The following ABI2 variants were observed in gnomAD, a reference collection of about 807,000 sequenced individuals.
ABI2 encodes the protein abl interactor 2.
Under a neutral mutation model 59.2 loss-of-function variants are expected in ABI2, and 25 were observed. That is an observed-to-expected ratio of 0.42 (90% CI 0.31 to 0.59). The LOEUF (loss-of-function observed/expected upper bound fraction) is 0.59, where lower values mean the gene tolerates loss of function less well. Among genes scored for constraint, ABI2 ranks in the 20% least tolerant of loss-of-function variants. ABI2 has a pLI of 0.14. For synonymous variants in ABI2, 213 were observed against 235.5 expected (o/e 0.90, Z 0.87); for missense variants, 545 against 681.8 (o/e 0.80, Z 2.23).
intron 2 of ABI2, among the ~76,000 whole-genome samples, chr2:203,372,489 A>T (rs369147794): frequency 2.8e-5 from 4 of 140,898 alleles, no homozygotes; most frequent in African/African-American, 8.0e-5. Flanking sequence ...GGCTCCTCAC[A>T]TCCCAGTAGG....
At chr2:203,374,498 CAAAAAAA>C (rs777951265) in intron 2 of ABI2, among the ~76,000 whole-genome samples, 7 of 53,840 alleles carry the variant, frequency 1.3e-4, no homozygotes, top group South Asian at 6.1e-4. Context: ...GACTCTGTCT[CAAAAAAA>C]AAAAAAAAAA....
intron 10 of ABI2, among the ~76,000 whole-genome samples, chr2:203,412,291 C>T (rs2097709867): frequency 6.6e-6 from 1 of 152,110 alleles, no homozygotes; most frequent in Admixed American, 6.5e-5. Flanking sequence ...CTAGCTGTTT[C>T]CCCAGCACTT....
chr2:203,401,863 CTG>C (rs2097235767), intron 8 of ABI2, among the ~76,000 whole-genome samples: 2 of 151,982 alleles, frequency 1.3e-5, no homozygotes, highest in Non-Finnish European at 2.9e-5. Flanking sequence ...TGGAATAAGA[CTG>C]TGTGTCAAAC....
intron 2 of ABI2, among the ~76,000 whole-genome samples, chr2:203,375,120 GC>G (rs1577837096): frequency 6.6e-6 from 1 of 152,166 alleles, no homozygotes; most frequent in East Asian, 1.9e-4. Context: ...CATGGGGAAA[GC>G]CTGCAGCATG....
In ABI2 at chr2:203,328,619, C is replaced by G. The variant is rs757893056; in HGVS notation, c.105C>G (p.Asn35Lys). ...AACGGGTGGCCGATTACTGCGAGAA[C>G]AACTACATACAGGTGCGAAGCATCC... ...NLERVADYCE[N>K]NYIQSADKQR... The change falls in exon 1 of 12, where the codon AAC becomes AAG. Residue 35 changes from asparagine to lysine, a missense_variant. Physicochemically the swap from Asn to Lys is moderately conservative, Grantham distance 94 (BLOSUM62 0). Around this residue, in one of 4 missense-constraint regions of ABI2, gnomAD observed 55 missense variants for 59.7 expected, o/e 0.92. Transcript: ENST00000261018. The G allele has an allele frequency of 6.3e-7, 1 of 1,596,394 alleles. No homozygotes were observed. Among genetic ancestry groups the G allele is most frequent in the East Asian group, 2.4e-5 (1 of 42,182 alleles).
chr2:203,383,762 C>T (rs2096280681), intron 4 of ABI2, among the ~76,000 whole-genome samples: 1 of 152,174 alleles, frequency 6.6e-6, no homozygotes, highest in African/African-American at 2.4e-5. Context: ...TCCTGATGAG[C>T]AATAGCATTA....
At chr2:203,344,881 T>C (rs1420592186) in intron 1 of ABI2, among the ~76,000 whole-genome samples, 1 of 152,148 alleles carries the variant, frequency 6.6e-6, no homozygotes, top group African/African-American at 2.4e-5. Flanking sequence ...GGTTTGTAAA[T>C]GCACCAATAA....
intron 5 of ABI2, 69 bp from the exon 6 acceptor site, chr2:203,394,630 TG>T: frequency 6.8e-7 from 1 of 1,465,748 alleles, no homozygotes; most frequent in Non-Finnish European, 9.4e-7. Context: ...TCTCAACTGC[TG>T]GCAACTCTTT....
intron 2 of ABI2, among the ~76,000 whole-genome samples, chr2:203,377,282 C>G (rs62183952): frequency 0.014 from 2,123 of 152,276 alleles, 15 homozygotes; most frequent in Non-Finnish European, 0.021. Flanking sequence ...CCATTGCACT[C>G]CAGCCTCTGT....
intron 1 of ABI2, among the ~76,000 whole-genome samples, chr2:203,329,470 A>G (rs76673409): frequency 0.038 from 5,687 of 151,612 alleles, 348 homozygotes; most frequent in African/African-American, 0.13. Context: ...GGATGAAGCA[A>G]AATATTCTGT....
chr2:203,350,862 T>TTGTGTGTGTGTGTG (rs200198424), intron 1 of ABI2, among the ~76,000 whole-genome samples: 1 of 137,810 alleles, frequency 7.3e-6, no homozygotes, highest in African/African-American at 2.6e-5. Flanking sequence ...GTTGTGTGTT[T>TTGTGTGTGTGTGTG]TGTGTGTGTG....
At chr2:203,412,375 C>T (rs2097714444) in intron 10 of ABI2, among the ~76,000 whole-genome samples, 1 of 152,122 alleles carries the variant, frequency 6.6e-6, no homozygotes, top group Non-Finnish European at 1.5e-5. Flanking sequence ...CCAAATGCCC[C>T]CCTTTTATCA....
intron 11 of ABI2, among the ~76,000 whole-genome samples, chr2:203,418,432 C>G (rs1405498368): frequency 1.3e-5 from 2 of 152,230 alleles, no homozygotes; most frequent in East Asian, 3.8e-4. Flanking sequence ...AGGGAGACTG[C>G]TTTCAGGCTC....
chr2:203,397,311 A>G (rs879551335), intron 8 of ABI2, among the ~76,000 whole-genome samples: 4 of 152,250 alleles, frequency 2.6e-5, no homozygotes, highest in Admixed American at 2.6e-4. Context: ...TGATTAACAA[A>G]AGTCTATTAC....
At chr2:203,410,713 T>C (rs776714066) in intron 9 of ABI2, among the ~76,000 whole-genome samples, 40 of 152,194 alleles carry the variant, frequency 2.6e-4, no homozygotes, top group Non-Finnish European at 4.9e-4. Flanking sequence ...ACTTACTTAG[T>C]ATGAAGTCAG....
At chr2:203,335,799 T>C (rs2076195327) in intron 1 of ABI2, among the ~76,000 whole-genome samples, 4 of 152,234 alleles carry the variant, frequency 2.6e-5, no homozygotes, top group Admixed American at 2.6e-4. Context: ...TTTTTTCTCA[T>C]TTGATTTTTA....
In ABI2 at chr2:203,429,060, C is replaced by A. The variant is rs1173207791; in HGVS notation, c.*1708C>A. On this transcript the variant is annotated 3_prime_UTR_variant, in exon 12 of 12. Coordinates refer to ENST00000261018, the MANE Select transcript of ABI2 (RefSeq NM_001375670.1). ...TCATCAGCATTTAACTGAGACCCCA[C>A]TATAGAGTTTCCTTATCAAGACTTT... is the stretch of plus-strand genomic sequence containing the variant. 6.6e-6 allele frequency: 1 copy of A among 152,228 alleles called. No individual in the cohort carries two copies. The highest frequency in any genetic ancestry group is 2.4e-5 in the African/African-American group (1 of 41,466). The allele number at this position is 152,228 out of a possible 1,614,324, so 9.4% of individuals were successfully genotyped here.
intron 1 of ABI2, among the ~76,000 whole-genome samples, chr2:203,335,753 G>C (rs1340595261): frequency 6.6e-6 from 1 of 152,036 alleles, no homozygotes; most frequent in Non-Finnish European, 1.5e-5. Context: ...ATTTGGATGA[G>C]GTAACAGCTT....
rs2070047301 is a variant in ABI2 at position 203,328,619 on chromosome 2, C to CA, written c.107dup (p.Asn36LysfsTer8). ...AACGGGTGGCCGATTACTGCGAGAA[C>CA]AACTACATACAGGTGCGAAGCATCC... On this transcript the variant is annotated frameshift_variant, in exon 1 of 12. Coordinates refer to ENST00000261018, the MANE Select transcript of ABI2 (RefSeq NM_001375670.1). LOFTEE classifies it high-confidence loss of function. 6.3e-7 allele frequency: 1 copy of CA among 1,596,284 alleles called. No individual in the cohort carries two copies. Among genetic ancestry groups the CA allele is most frequent in the Admixed American group, 1.7e-5 (1 of 58,350 alleles).
Sources: allele counts gnomAD v4.1 joint callset (sites outside exome capture counted in the v4.1 genomes callset), GRCh38; gene constraint gnomAD v4.1.1; regional missense constraint gnomAD v4.1.1; transcripts MANE v1.5; gene names NCBI Gene and HGNC (gene_info 2026-07-23, HGNC 2026-07-21).